Variants in PACRG observed in about 807,000 individuals in gnomAD.
PACRG encodes parkin coregulated.
Under a neutral mutation model 29.7 loss-of-function variants are expected in PACRG, and 29 were observed. That is an observed-to-expected ratio of 0.98 (90% CI 0.73 to 1.33). The LOEUF is 1.33. PACRG is among the 40% of genes most tolerant of loss of function. The pLI is 0.00. For synonymous variants in PACRG, 116 were observed against 118.7 expected (o/e 0.98, Z 0.15); for missense variants, 279 against 316.2 (o/e 0.88, Z 0.89).
chr6:163,259,462 C>T (rs1783237489), intron 4 of PACRG, among the ~76,000 whole-genome samples: 1 of 152,150 alleles, frequency 6.6e-6, no homozygotes, highest in Non-Finnish European at 1.5e-5. Flanking sequence ...ACCTCTTCAG[C>T]CACTGAACCA....
At chr6:162,879,485 G>A (rs1349168302) in intron 2 of PACRG, among the ~76,000 whole-genome samples, 1 of 152,170 alleles carries the variant, frequency 6.6e-6, no homozygotes, top group East Asian at 1.9e-4. Context: ...ATTGAGGGGG[G>A]CAGGGGACAG....
At chr6:163,141,945 G>C (rs895385475) in intron 4 of PACRG, among the ~76,000 whole-genome samples, 2 of 152,070 alleles carry the variant, frequency 1.3e-5, no homozygotes, top group Non-Finnish European at 2.9e-5. Flanking sequence ...TCTGCACCCA[G>C]TAGCGATAGT....
At chr6:162,818,521 T>C (rs994448351) in intron 2 of PACRG, among the ~76,000 whole-genome samples, 1 of 152,164 alleles carries the variant, frequency 6.6e-6, no homozygotes, top group Non-Finnish European at 1.5e-5. Flanking sequence ...AAGAGAAGCA[T>C]ACAAGTGGTT....
At chr6:162,846,625 T>G (rs1790401872) in intron 2 of PACRG, among the ~76,000 whole-genome samples, 1 of 152,318 alleles carries the variant, frequency 6.6e-6, no homozygotes, top group Middle Eastern at 3.4e-3. Context: ...CCTGCCTTTT[T>G]AGATCACCCG....
intron 4 of PACRG, among the ~76,000 whole-genome samples, chr6:163,314,392 CG>C (rs1785563799): frequency 6.6e-6 from 1 of 152,184 alleles, no homozygotes; most frequent in South Asian, 2.1e-4. Context: ...AGCAGAGATG[CG>C]GGTGGGGGCT....
intron 4 of PACRG, among the ~76,000 whole-genome samples, chr6:163,224,971 A>AT (rs1308684727): frequency 6.6e-6 from 1 of 152,232 alleles, no homozygotes; most frequent in Non-Finnish European, 1.5e-5. Flanking sequence ...TATACAAAAT[A>AT]TATAAGGAAC....
intron 3 of PACRG, among the ~76,000 whole-genome samples, chr6:163,074,210 T>C (rs1812333634): frequency 1.3e-5 from 2 of 152,176 alleles, no homozygotes; most frequent in Admixed American, 1.3e-4. Context: ...AAAAATATGG[T>C]ACATAAACAC....
chr6:163,222,761 A>G (rs1322198020), intron 4 of PACRG, among the ~76,000 whole-genome samples: 2 of 152,232 alleles, frequency 1.3e-5, no homozygotes, highest in East Asian at 3.8e-4. Context: ...GATTCTGCAG[A>G]ACCCAATATT....
At chr6:163,122,874 G>A (rs1313272340) in intron 4 of PACRG, among the ~76,000 whole-genome samples, 3 of 152,166 alleles carry the variant, frequency 2.0e-5, no homozygotes, top group African/African-American at 7.2e-5. Flanking sequence ...ATCTCCAGAA[G>A]TTTCCTTTTG....
At chr6:163,125,617 G>C in intron 4 of PACRG, among the ~76,000 whole-genome samples, 1 of 152,256 alleles carries the variant, frequency 6.6e-6, no homozygotes, top group Non-Finnish European at 1.5e-5. Flanking sequence ...AAACAATGAA[G>C]AAATGAGCTA....
At chr6:162,909,554 C>CA (rs562001835) in intron 2 of PACRG, among the ~76,000 whole-genome samples, 10,522 of 69,618 alleles carry the variant, frequency 0.15, 1,113 homozygotes, top group East Asian at 0.4. Flanking sequence ...GACTCCATCT[C>CA]AAAAAAAAAA....
chr6:163,295,335 C>T (rs1784747544), intron 4 of PACRG, among the ~76,000 whole-genome samples: 1 of 152,170 alleles, frequency 6.6e-6, no homozygotes, highest in Non-Finnish European at 1.5e-5. Flanking sequence ...AAAGTGATTA[C>T]AAGGGCGACC....
At chr6:163,221,915 T>A (rs55904092) in intron 4 of PACRG, among the ~76,000 whole-genome samples, 5,698 of 152,202 alleles carry the variant, frequency 0.037, 366 homozygotes, top group African/African-American at 0.13. Flanking sequence ...AGAAGAATAT[T>A]TTCTAATCCG....
At chr6:162,820,381 G>C (rs1365383483) in intron 2 of PACRG, among the ~76,000 whole-genome samples, 3 of 151,860 alleles carry the variant, frequency 2.0e-5, no homozygotes, top group African/African-American at 7.3e-5. Context: ...TGTTTTCATT[G>C]ACATAACTGA....
chr6:163,206,733 C>T (rs553917921), intron 4 of PACRG, among the ~76,000 whole-genome samples: 9 of 114,190 alleles, frequency 7.9e-5, no homozygotes, highest in African/African-American at 3.6e-4. Flanking sequence ...ATTTCTCAGA[C>T]TCTTGGAGAA....
intron 2 of PACRG, among the ~76,000 whole-genome samples, chr6:163,004,737 T>TACACAC (rs146095540): frequency 0.023 from 3,059 of 134,790 alleles, 187 homozygotes; most frequent in African/African-American, 0.093. Flanking sequence ...TATATATATA[T>TACACAC]ACACACACAC....
chr6:163,216,768 C>T (rs559629200), intron 4 of PACRG, among the ~76,000 whole-genome samples: 30 of 152,300 alleles, frequency 2.0e-4, no homozygotes, highest in Admixed American at 1.8e-3. Flanking sequence ...TATTTTCCCC[C>T]AATTTGCTGT....
intron 2 of PACRG, among the ~76,000 whole-genome samples, chr6:162,932,944 A>G (rs1797960023): frequency 6.6e-6 from 1 of 151,636 alleles, no homozygotes; most frequent in African/African-American, 2.4e-5. Flanking sequence ...ATTCTCTGAG[A>G]TACATCATTA....
intron 2 of PACRG, among the ~76,000 whole-genome samples, chr6:162,962,324 C>T (rs1800692109): frequency 6.6e-6 from 1 of 152,158 alleles, no homozygotes; most frequent in Admixed American, 6.5e-5. Flanking sequence ...GCATGTAATA[C>T]ATGTTTCTGA....
Sources: gnomAD v4.1 joint callset for allele counts (sites outside exome capture counted in the v4.1 genomes callset) on GRCh38, gnomAD v4.1.1 for gene constraint, MANE v1.5 for transcripts, NCBI Gene and HGNC (gene_info 2026-07-23, HGNC 2026-07-21) for gene names.